ACSL6: variants seen among roughly 807,000 people sequenced by gnomAD.
ACSL6 encodes long-chain-fatty-acid--CoA ligase 6.
ACSL6 carries 47 observed loss-of-function variants against 98.2 expected under a neutral mutation model. The ratio of observed to expected loss-of-function variants is 0.48; its 90% CI spans 0.38 to 0.61. The LOEUF (loss-of-function observed/expected upper bound fraction) is 0.61. ACSL6 is among the 20% of genes least tolerant of loss of function. The pLI, the probability that ACSL6 is intolerant of heterozygous loss-of-function variation, is 0.00. For synonymous variants in ACSL6, 362 were observed against 336.9 expected, an observed-to-expected ratio of 1.07 and a Z score of -0.82; for missense variants, 761 against 913.4, an observed-to-expected ratio of 0.83 and a Z score of 2.15.
At chr5:131,966,236 G>A (rs1023092397) in intron 17 of ACSL6, among the ~76,000 whole-genome samples, 180 bp downstream of exon 17, 20 of 152,134 alleles carry the variant, frequency 1.3e-4, no homozygotes, top group Non-Finnish European at 2.4e-4. Context: ...ATGAGACGGA[G>A]TGAGAAGAGG....
At chr5:132,010,701 G>A (rs1465568370) in intron 1 of ACSL6, among the ~76,000 whole-genome samples, 1 of 152,240 alleles carries the variant, frequency 6.6e-6, no homozygotes, top group Non-Finnish European at 1.5e-5. Flanking sequence ...TGGGGTGGAG[G>A]TGGAGATCCT....
chr5:131,959,888 AC>A (rs1433865095), intron 19 of ACSL6: 1 of 460,654 alleles, frequency 2.2e-6, no homozygotes, highest in Non-Finnish European at 3.9e-6. Flanking sequence ...GAGTCTTGCT[AC>A]CCCTAGATGA....
chr5:131,974,619 C>T (rs1051303561), intron 11 of ACSL6: 3 of 959,198 alleles, frequency 3.1e-6, no homozygotes, highest in South Asian at 1.6e-5. Flanking sequence ...GGCTAAAGTC[C>T]TCTGAGCCCT....
At chr5:131,961,588 T>G (rs1461082330) in intron 18 of ACSL6, among the ~76,000 whole-genome samples, 2 of 151,538 alleles carry the variant, frequency 1.3e-5, no homozygotes, top group Admixed American at 6.6e-5. Context: ...TCCCAGCTAC[T>G]CGGGAGTCTG....
intron 17 of ACSL6, among the ~76,000 whole-genome samples, chr5:131,964,133 C>A (rs1196528681): frequency 6.6e-6 from 1 of 151,956 alleles, no homozygotes; most frequent in Non-Finnish European, 1.5e-5. Flanking sequence ...CATACTCTTC[C>A]AAAAAAATGG....
intron 1 of ACSL6, among the ~76,000 whole-genome samples, chr5:132,004,807 C>A (rs1366998511): frequency 6.6e-6 from 1 of 152,184 alleles, no homozygotes; most frequent in Non-Finnish European, 1.5e-5. Context: ...CTCCCTGCCA[C>A]CACAGACAGA....
chr5:131,983,663 G>A (rs1343828694), intron 9 of ACSL6: 1 of 152,300 alleles, frequency 6.6e-6, no homozygotes, highest in South Asian at 2.1e-4. Context: ...AGCCAGATGG[G>A]GTGATATCAG....
upstream of ACSL6, chr5:132,012,084 GT>G: frequency 1.0e-6 from 1 of 982,570 alleles, no homozygotes; most frequent in Non-Finnish European, 1.5e-6. Context: ...CCGGGTCGCG[GT>G]TACCTGTCCT....
At chr5:131,994,421 A>G (rs1041805645) in intron 1 of ACSL6, 170 bp from the exon 2 acceptor site, 12 of 613,806 alleles carry the variant, frequency 2.0e-5, no homozygotes, top group Non-Finnish European at 2.9e-5. Flanking sequence ...GGCTTTTCCC[A>G]GGAAGAGGCC....
chr5:131,964,907 A>G lies in ACSL6; in HGVS notation c.1713+1509T>C, dbSNP rs368037145. 2.0e-5 allele frequency among the ~76,000 whole-genome samples: 3 copies of G among 152,108 alleles called. No homozygotes were observed. In the East Asian group the frequency reaches 5.8e-4, roughly 29 times the overall value. On this transcript the variant is annotated intron_variant, in intron 17 of 20. Transcript: ENST00000651883. ...ACATGACTCATATCCTAAGGCTTGG[A>G]TGCAGTAGGTGCCTGTCCTCCTCTG...
chr5:131,967,963 A>G lies in ACSL6; in HGVS notation c.1573T>C (p.Trp525Arg). The G allele has an allele frequency of 6.2e-7, 1 of 1,614,098 alleles. No individual in the cohort carries two copies. The highest frequency in any genetic ancestry group is 8.5e-7 in the Non-Finnish European group (1 of 1,179,972). The change falls in exon 16 of 21, where the codon TGG becomes CGG. Residue 525 changes from tryptophan to arginine, a missense_variant. Trp to Arg is a moderately radical substitution (Grantham distance 101). Transcript: ENST00000651883. ...ACCTCTCCCTCTCCTTTGCAGGCCCAGTAGTTCAGTTCCTCAACATCAACG... is the reference window on the plus strand; with the variant it reads ...ACCTCTCCCTCTCCTTTGCAGGCCCGGTAGTTCAGTTCCTCAACATCAACG... ...KLVDVEELNY[W>R]ACKGEGEICV... is the part of the protein sequence containing the mutation.
intron 20 of ACSL6, among the ~76,000 whole-genome samples, chr5:131,955,075 G>T (rs892632308): frequency 1.3e-5 from 2 of 152,284 alleles, no homozygotes; most frequent in South Asian, 2.1e-4. Context: ...CAATGGCATG[G>T]CTGAATACAC....
At position 131,973,354 on chromosome 5, in the gene ACSL6, T is replaced by G. The variant is rs771283097; in HGVS notation, c.1115A>C (p.Asp372Ala). The stretch of plus-strand genomic sequence containing the variant: ...CATGTCATCTGAGAGAAGGCGGATA[T>G]CTCCCTGGAAGAAGCCAACACGCCC... ...HGGRVGFFQG[D>A]IRLLSDDMKA... is the part of the protein sequence containing the mutation. The change falls in exon 12 of 21, where the codon GAT (aspartate) becomes GCT (alanine). Residue 372 changes from aspartate (D) to alanine (A), a missense_variant. Transcript: ENST00000651883. 4.3e-6 allele frequency: 7 copies of G among 1,613,938 alleles called. No individual in the cohort carries two copies. In the Admixed American group the frequency reaches 6.7e-5, roughly 15 times the overall value.
At chr5:131,966,866 C>G (rs1182074525) in intron 16 of ACSL6, among the ~76,000 whole-genome samples, 4 of 152,228 alleles carry the variant, frequency 2.6e-5, no homozygotes, top group Admixed American at 6.5e-5. Context: ...CTGGCTGATT[C>G]TACCAGGGAT....
intron 5 of ACSL6, 72 bp from the exon 6 acceptor site, chr5:131,988,976 T>G: frequency 7.3e-7 from 1 of 1,366,062 alleles, no homozygotes; most frequent in Non-Finnish European, 1.0e-6. Context: ...TAGGCCTAGG[T>G]AACCAGCGTC....
intron 3 of ACSL6, 117 bp from the exon 4 acceptor site, chr5:131,990,281 G>A (rs1754434973): frequency 3.1e-6 from 3 of 979,900 alleles, no homozygotes; most frequent in Non-Finnish European, 4.7e-6. Context: ...CATGGGCCAA[G>A]TGAACTGCCC....
At position 131,971,459 on chromosome 5, in the gene ACSL6, G is replaced by A. The variant is rs189067458; in HGVS notation, c.1434+91C>T. 4.2e-5 allele frequency: 44 copies of A among 1,052,924 alleles called. 1 individual carries two copies. The South Asian group carries it at 6.6e-4, about 16-fold the overall frequency. 65.2% of individuals were successfully genotyped at this position (1,052,924 alleles called of 1,614,324 possible). ...TTGTCTCACAAAAATCTTGTCCCCC[G>A]GTTCTTTCTCTGAGCAGTAGAGGGT... On this transcript the variant is annotated intron_variant, in intron 14 of 20. Coordinates refer to ENST00000651883, the MANE Select transcript of ACSL6 (RefSeq NM_001009185.3).
intron 9 of ACSL6, chr5:131,982,313 T>G (rs1753948013): frequency 2.7e-5 from 4 of 147,270 alleles, no homozygotes; most frequent in African/African-American, 5.0e-5. Flanking sequence ...CCGGCTAATT[T>G]TTTGTATTTT....
chr5:131,971,206 T>G (rs1753288100), intron 14 of ACSL6, among the ~76,000 whole-genome samples: 1 of 152,180 alleles, frequency 6.6e-6, no homozygotes, highest in Non-Finnish European at 1.5e-5. Flanking sequence ...TGCAAGATAT[T>G]TTGCAGGCTG....
Sources: allele counts gnomAD v4.1 joint callset (sites outside exome capture counted in the v4.1 genomes callset), GRCh38; gene constraint gnomAD v4.1.1; transcripts MANE v1.5; gene names NCBI Gene and HGNC (gene_info 2026-07-23, HGNC 2026-07-21).